Variants in ROBO2 observed in about 807,000 individuals in gnomAD.
ROBO2 encodes roundabout homolog 2.
ROBO2 carries 53 observed loss-of-function variants against 160.8 expected under a neutral mutation model. The observed-to-expected ratio is 0.33, with a 90% CI of 0.26 to 0.41. The LOEUF (loss-of-function observed/expected upper bound fraction) is 0.41, where lower values mean the gene tolerates loss of function less well. Among genes scored for constraint, ROBO2 ranks in the 10% least tolerant of loss-of-function variants. The probability of loss-of-function intolerance (pLI) is 1.00; values close to 1 mark genes in which losing one functional copy is unlikely to be tolerated. For missense variants in ROBO2, 1,577 were observed against 1,722.4 expected (o/e 0.92, Z 1.49); for synonymous variants, 664 against 611.7 (o/e 1.09, Z -1.26).
At chr3:77,580,188 C>T in intron 16 of ROBO2, 70 bp downstream of exon 17, 1 of 1,406,970 alleles carries the variant, frequency 7.1e-7, no homozygotes, top group African/African-American at 1.4e-5. Context: ...GATTTTGCAT[C>T]AACCTACTAA....
intron 2 of ROBO2, among the ~76,000 whole-genome samples, chr3:76,159,904 C>T (rs993083606): frequency 2.0e-5 from 3 of 152,038 alleles, no homozygotes; most frequent in Non-Finnish European, 4.4e-5. Flanking sequence ...TCAGAAGGAT[C>T]TAAGTCAGGA....
At chr3:76,161,664 G>C (rs13314194) in intron 2 of ROBO2, among the ~76,000 whole-genome samples, 10,368 of 152,054 alleles carry the variant, frequency 0.068, 1,084 homozygotes, top group East Asian at 0.45. Context: ...AGTCCCTCAG[G>C]CATATTAGGC....
At chr3:76,084,396 C>A (rs761112442) in intron 2 of ROBO2, among the ~76,000 whole-genome samples, 6 of 151,906 alleles carry the variant, frequency 3.9e-5, no homozygotes, top group Non-Finnish European at 8.8e-5. Flanking sequence ...ATTTTATGAA[C>A]CTTATGTCAT....
chr3:76,457,420 A>G (rs1306601738), intron 2 of ROBO2, among the ~76,000 whole-genome samples: 1 of 152,184 alleles, frequency 6.6e-6, no homozygotes, highest in Non-Finnish European at 1.5e-5. Context: ...ATGCTAATGC[A>G]AGAGGTGGGT....
At chr3:76,253,181 A>T (rs1706144114) in intron 2 of ROBO2, among the ~76,000 whole-genome samples, 1 of 152,102 alleles carries the variant, frequency 6.6e-6, no homozygotes, top group African/African-American at 2.4e-5. Flanking sequence ...TTTATTAGAA[A>T]TGTGTATCAA....
chr3:77,056,868 A>T (rs376355038), intron 1 of ROBO2, among the ~76,000 whole-genome samples: 2 of 152,312 alleles, frequency 1.3e-5, no homozygotes, highest in South Asian at 2.1e-4. Flanking sequence ...ACATATACAA[A>T]CATATGTCTA....
At chr3:77,133,444 A>C (rs2150367098) in intron 2 of ROBO2, among the ~76,000 whole-genome samples, 1 of 152,340 alleles carries the variant, frequency 6.6e-6, no homozygotes, top group African/African-American at 2.4e-5. Flanking sequence ...AACTCTATTA[A>C]GAACTTTGAA....
At chr3:76,642,171 C>A (rs1054632417) in intron 2 of ROBO2, among the ~76,000 whole-genome samples, 1 of 152,060 alleles carries the variant, frequency 6.6e-6, no homozygotes, top group Admixed American at 6.6e-5. Flanking sequence ...CATAGCATCA[C>A]TCTCTTTTAC....
intron 2 of ROBO2, among the ~76,000 whole-genome samples, chr3:76,395,570 G>A (rs1481599013): frequency 7.3e-5 from 11 of 150,440 alleles, no homozygotes; most frequent in Admixed American, 2.0e-4. Context: ...TTGATAGACC[G>A]CTAGCAAGAC....
At chr3:77,087,176 T>A (rs1157510343) in intron 1 of ROBO2, among the ~76,000 whole-genome samples, 1 of 152,154 alleles carries the variant, frequency 6.6e-6, no homozygotes, top group East Asian at 1.9e-4. Context: ...TCAGAGTTTA[T>A]TTAAGTAAAA....
chr3:76,602,700 G>A (rs954557957), intron 2 of ROBO2, among the ~76,000 whole-genome samples: 1 of 152,080 alleles, frequency 6.6e-6, no homozygotes, highest in Non-Finnish European at 1.5e-5. Flanking sequence ...AATTCAAGAT[G>A]AGATTTGGGT....
rs562141397 is a variant in ROBO2, at chr3:77,390,299, T to G, written c.389-87115T>G. 2.6e-4 allele frequency among the ~76,000 whole-genome samples: 39 copies of G among 152,242 alleles called. No individual in the cohort carries two copies. The South Asian group carries it at 8.1e-3, about 32-fold the overall frequency. On this transcript the variant is annotated intron_variant, in intron 2 of 25. Transcript: ENST00000461745. ...AAAGTTCCAGTCAAGTACTCTGGTG[T>G]TTTTCTTGATGTATGGCATCTTACA...
chr3:76,410,107 C>T (rs1001108041), intron 2 of ROBO2, among the ~76,000 whole-genome samples: 2 of 152,030 alleles, frequency 1.3e-5, no homozygotes, highest in African/African-American at 4.8e-5. Flanking sequence ...TTTTCTTGGG[C>T]TGCTTTGTTT....
chr3:76,381,255 G>A (rs1236096338), intron 2 of ROBO2, among the ~76,000 whole-genome samples: 1 of 151,944 alleles, frequency 6.6e-6, no homozygotes. Flanking sequence ...CTCAGCCTAG[G>A]GACTCATTTA....
intron 2 of ROBO2, among the ~76,000 whole-genome samples, chr3:76,292,394 A>T (rs1190851190): frequency 6.6e-6 from 1 of 152,210 alleles, no homozygotes; most frequent in Non-Finnish European, 1.5e-5. Context: ...TCACTACTAA[A>T]GAAACAGTCC....
chr3:76,931,832 C>T (rs748065099), intron 2 of ROBO2, among the ~76,000 whole-genome samples: 37 of 152,054 alleles, frequency 2.4e-4, no homozygotes, highest in Non-Finnish European at 4.4e-4. Flanking sequence ...AGGCACCTGC[C>T]ACCACGCCTG....
At chr3:76,402,184 G>C (rs1000079117) in intron 2 of ROBO2, among the ~76,000 whole-genome samples, 1 of 151,370 alleles carries the variant, frequency 6.6e-6, no homozygotes, top group African/African-American at 2.4e-5. Context: ...TTTTCAAGTG[G>C]ATATTTATTT....
intron 2 of ROBO2, among the ~76,000 whole-genome samples, chr3:76,150,394 A>ACATCTGTCTAAAG (rs2072135476): frequency 6.7e-6 from 1 of 148,208 alleles, no homozygotes; most frequent in Non-Finnish European, 1.5e-5. Flanking sequence ...CCTTTTTAAA[A>ACATCTGTCTAAAG]CACACATCTG....
rs183413199 is a variant in ROBO2 at position 77,566,849 on chromosome 3, G to A, written c.1850-1464G>A. On this transcript the variant is annotated intron_variant, in intron 12 of 25. Transcript: ENST00000461745. ...ATTTTTGGGTACCATACTTTCAGCA[G>A]CTTTGCAATCTGCAAAGCATTTCTT... 4.4e-3 allele frequency among the ~76,000 whole-genome samples: 663 copies of A among 152,122 alleles called. 3 individuals are homozygous for A. The highest frequency in any genetic ancestry group is 7.5e-3 in the Non-Finnish European group (512 of 67,986).
Sources: allele counts gnomAD v4.1 joint callset (sites outside exome capture counted in the v4.1 genomes callset), GRCh38; gene constraint gnomAD v4.1.1; transcripts MANE v1.5; gene names NCBI Gene and HGNC (gene_info 2026-07-23, HGNC 2026-07-21).